Variants in LRTM1 observed in about 807,000 individuals in gnomAD.
LRTM1 encodes leucine-rich repeat and transmembrane domain-containing protein 1.
Under a neutral mutation model 32.4 loss-of-function variants are expected in LRTM1, and 38 were observed. That is an observed-to-expected ratio of 1.17 (90% CI 0.91 to 1.54). The LOEUF (loss-of-function observed/expected upper bound fraction) is 1.54, where lower values mean the gene tolerates loss of function less well. Among genes scored for constraint, LRTM1 ranks in the 40% most tolerant of loss-of-function variants. The probability of loss-of-function intolerance (pLI) is 0.00; values close to 1 mark genes in which losing one functional copy is unlikely to be tolerated. For synonymous variants in LRTM1, 186 were observed against 169.9 expected (o/e 1.09, Z -0.74); for missense variants, 466 against 415.4 (o/e 1.12, Z -1.06).
upstream of LRTM1, among the ~76,000 whole-genome samples, chr3:54,929,783 G>T (rs1184760736): frequency 6.6e-6 from 1 of 151,958 alleles, no homozygotes; most frequent in East Asian, 1.9e-4. Flanking sequence ...TCTGTTTCAG[G>T]TGCACAGAAT....
chr3:54,966,952 A>C (rs1335937056), exon 1 of LRTM1: 1 of 152,234 alleles, frequency 6.6e-6, no homozygotes, highest in Non-Finnish European at 1.5e-5. Context: ...TGTACTCAGC[A>C]TCTTGCTGGA....
chr3:54,928,697 C>T (rs1171005734), upstream of LRTM1, among the ~76,000 whole-genome samples: 2 of 151,996 alleles, frequency 1.3e-5, no homozygotes, highest in Non-Finnish European at 2.9e-5. Flanking sequence ...GCTTGCTGCC[C>T]CCACACCCCA....
chr3:54,946,414 G>C (rs1701615522), intron 1 of LRTM1, among the ~76,000 whole-genome samples: 2 of 152,148 alleles, frequency 1.3e-5, no homozygotes, highest in Admixed American at 6.5e-5. Flanking sequence ...CCTTCACTGT[G>C]TCCCCAGCAC....
At chr3:54,924,429 G>A (rs1368470790) in intron 2 of LRTM1, among the ~76,000 whole-genome samples, 190 bp downstream of exon 2, 1 of 151,996 alleles carries the variant, frequency 6.6e-6, no homozygotes, top group Non-Finnish European at 1.5e-5. Context: ...GATTAATTTC[G>A]AACCTGAATT....
intron 1 of LRTM1, among the ~76,000 whole-genome samples, chr3:54,962,218 C>G (rs899848689): frequency 1.3e-5 from 2 of 152,122 alleles, no homozygotes; most frequent in East Asian, 3.9e-4. Flanking sequence ...AACCATAGCA[C>G]AGGTTTTGAA....
chr3:54,928,059 C>G lies in LRTM1; in HGVS notation c.-148G>C, dbSNP rs1701077939. On this transcript the variant is annotated 5_prime_UTR_variant, in exon 1 of 3. Transcript: ENST00000273286. ...CCTTGCTTTTCTTCAATGCAGAAAA[C>G]AGTTGTTGCTTTCAAAAGACCATTT... 1 of 717,154 alleles carries G rather than the reference C, an allele frequency of 1.4e-6. No individual in the cohort carries two copies. The highest frequency in any genetic ancestry group is 2.5e-5 in the East Asian group (1 of 39,660). 44.4% of individuals were successfully genotyped at this position (717,154 alleles called of 1,614,324 possible). A position where few individuals can be genotyped will look rare whatever the true frequency, so the allele number is the denominator to read the frequency against.
intron 1 of LRTM1, among the ~76,000 whole-genome samples, chr3:54,950,504 A>G (rs1365263601): frequency 6.6e-6 from 1 of 152,202 alleles, no homozygotes; most frequent in Non-Finnish European, 1.5e-5. Flanking sequence ...ATTATAATTA[A>G]GATGCTTTGT....
chr3:54,943,639 C>G (rs912647226), intron 1 of LRTM1, among the ~76,000 whole-genome samples: 8 of 152,108 alleles, frequency 5.3e-5, no homozygotes, highest in Non-Finnish European at 5.9e-5. Flanking sequence ...TTCTACTCAT[C>G]TTAAATTTTC....
At chr3:54,925,712 T>C (rs990472164) in intron 1 of LRTM1, among the ~76,000 whole-genome samples, 2 of 152,222 alleles carry the variant, frequency 1.3e-5, no homozygotes, top group African/African-American at 4.8e-5. Context: ...CCAATAGCCA[T>C]GTGTGGCTAC....
chr3:54,948,541 A>AT (rs1224503134), intron 1 of LRTM1, among the ~76,000 whole-genome samples: 1 of 152,240 alleles, frequency 6.6e-6, no homozygotes, highest in East Asian at 1.9e-4. Context: ...GCACCTCTGC[A>AT]TGATCAGCTA....
intron 1 of LRTM1, among the ~76,000 whole-genome samples, chr3:54,963,597 A>G (rs1348605967): frequency 2.0e-5 from 3 of 152,250 alleles, no homozygotes; most frequent in Non-Finnish European, 4.4e-5. Flanking sequence ...ATTCAAGGTC[A>G]GCTGCCTGTC....
upstream of LRTM1, chr3:54,928,092 C>A: frequency 1.7e-6 from 1 of 604,490 alleles, no homozygotes; most frequent in Non-Finnish European, 2.9e-6. Flanking sequence ...TTTATTTAAG[C>A]AGCCCTTCCC....
At position 54,918,337 on chromosome 3, in the gene LRTM1, T is replaced by TC. The variant is rs1416409047; in HGVS notation, c.*121_*122insG. On this transcript the variant is annotated 3_prime_UTR_variant, in exon 3 of 3. Transcript: ENST00000273286. The stretch of plus-strand genomic sequence containing the variant: ...CAGACACATCTTTTTTTTTTCTTTT[T>TC]TTTTTTTTTTTTTTTTTTGTCTTTT... The TC allele has an allele frequency of 2.6e-5, 6 of 233,546 alleles. No individual in the cohort carries two copies. The highest frequency in any genetic ancestry group is 1.4e-4 in the East Asian group (1 of 6,980). 14.5% of individuals were successfully genotyped at this position (233,546 alleles called of 1,614,324 possible).
At chr3:54,920,996 T>C (rs1430078892) in intron 2 of LRTM1, among the ~76,000 whole-genome samples, 1 of 152,110 alleles carries the variant, frequency 6.6e-6, no homozygotes, top group Non-Finnish European at 1.5e-5. Flanking sequence ...TGCTCTGTGG[T>C]CTCCTGTGCA....
intron 1 of LRTM1, among the ~76,000 whole-genome samples, chr3:54,942,322 T>C (rs967923310): frequency 6.6e-6 from 1 of 152,166 alleles, no homozygotes; most frequent in Non-Finnish European, 1.5e-5. Flanking sequence ...GCCCAAGAAG[T>C]AGGGGCTGAC....
intron 1 of LRTM1, among the ~76,000 whole-genome samples, chr3:54,945,647 A>G (rs1369077074): frequency 1.3e-5 from 2 of 152,152 alleles, no homozygotes; most frequent in African/African-American, 4.8e-5. Context: ...TGGAATCTCA[A>G]GCTTATCCAG....
At chr3:54,948,387 G>T (rs1258780774) in intron 1 of LRTM1, among the ~76,000 whole-genome samples, 1 of 152,200 alleles carries the variant, frequency 6.6e-6, no homozygotes, top group Non-Finnish European at 1.5e-5. Flanking sequence ...CTCCCAAGAG[G>T]TTAGCAACTA....
chr3:54,965,821 CT>C (rs912620991), intron 1 of LRTM1, among the ~76,000 whole-genome samples: 3 of 152,134 alleles, frequency 2.0e-5, no homozygotes, highest in African/African-American at 4.8e-5. Flanking sequence ...ATCCAGGAGC[CT>C]TTGGGCAACA....
At chr3:54,944,713 G>A (rs754525279) in intron 1 of LRTM1, among the ~76,000 whole-genome samples, 4 of 152,156 alleles carry the variant, frequency 2.6e-5, no homozygotes, top group African/African-American at 7.2e-5. Flanking sequence ...GAGCCACCGC[G>A]CCCAGCCTCC....
Sources: allele counts gnomAD v4.1 joint callset (sites outside exome capture counted in the v4.1 genomes callset), GRCh38; gene constraint gnomAD v4.1.1; transcripts MANE v1.5; gene names NCBI Gene and HGNC (gene_info 2026-07-23, HGNC 2026-07-21).